TFDP2: variants seen among roughly 807,000 people sequenced by gnomAD.
TFDP2 encodes the protein transcription factor Dp-2.
Under a neutral mutation model 59.3 loss-of-function variants are expected in TFDP2, and 17 were observed. That is an observed-to-expected ratio of 0.29 (90% CI 0.20 to 0.43). The LOEUF is 0.43. Ranked by LOEUF, TFDP2 falls within the 20% of genes least tolerant of loss-of-function variation. The pLI, the probability that TFDP2 is intolerant of heterozygous loss-of-function variation, is 1.00. For missense variants in TFDP2, 391 were observed against 528.8 expected (o/e 0.74, Z 2.56); for synonymous variants, 180 against 194.7 (o/e 0.92, Z 0.63).
chr3:141,951,754 G>T lies in TFDP2; in HGVS notation c.*759C>A, dbSNP rs541524900. ...ACTCCAGATTTAGGATGCTGGCAAAGGCAGTGCTGGCAAAGTATTTAATGC... is the reference window on the plus strand; with the variant it reads ...ACTCCAGATTTAGGATGCTGGCAAATGCAGTGCTGGCAAAGTATTTAATGC... On this transcript the variant is annotated 3_prime_UTR_variant, in exon 13 of 13. Coordinates refer to ENST00000489671, the MANE Select transcript of TFDP2 (RefSeq NM_001178139.2). 1 of 152,748 alleles carries T rather than the reference G, an allele frequency of 6.5e-6. No homozygotes were observed. Among genetic ancestry groups the T allele is most frequent in the African/African-American group, 2.4e-5 (1 of 41,582 alleles). 9.5% of individuals were successfully genotyped at this position (152,748 alleles called of 1,614,324 possible).
At chr3:141,962,863 G>A (rs1052351801) in intron 10 of TFDP2, among the ~76,000 whole-genome samples, 9 of 152,194 alleles carry the variant, frequency 5.9e-5, no homozygotes, top group Admixed American at 1.3e-4. Flanking sequence ...TGGTACTGAC[G>A]CAATTATTAT....
In TFDP2 at chr3:141,995,616, G is replaced by A. The variant is rs548208427; in HGVS notation, c.187-475C>T. Among the ~76,000 whole-genome samples, 139 of 152,206 alleles carry A rather than the reference G, an allele frequency of 9.1e-4. 1 individual carries two copies. The highest frequency in any genetic ancestry group is 1.5e-3 in the Non-Finnish European group (100 of 68,016). Reference sequence around the variant, plus strand: ...AAAAGAGTATTGGACCAGGAGCGGTGGCTCGTGCCTGTAAACCCAGCATTT... The same window carrying A: ...AAAAGAGTATTGGACCAGGAGCGGTAGCTCGTGCCTGTAAACCCAGCATTT... On this transcript the variant is annotated intron_variant, in intron 4 of 12. Transcript: ENST00000489671.
At chr3:141,993,396 T>G (rs1222654653) in intron 6 of TFDP2, 142 bp downstream of exon 6, 4 of 524,466 alleles carry the variant, frequency 7.6e-6, no homozygotes, top group African/African-American at 3.9e-5. Context: ...GGGCACTCAA[T>G]GCAGAATGAA....
intron 2 of TFDP2, chr3:142,093,868 G>A (rs1358784498): frequency 2.5e-6 from 1 of 404,788 alleles, no homozygotes; most frequent in Non-Finnish European, 4.9e-6. Flanking sequence ...TAGCAATTCA[G>A]GTTGTTATAA....
At chr3:141,987,648 C>G (rs552761345) in intron 6 of TFDP2, among the ~76,000 whole-genome samples, 2 of 150,388 alleles carry the variant, frequency 1.3e-5, no homozygotes, top group African/African-American at 4.9e-5. Flanking sequence ...TTCTTCTCGG[C>G]CGGGTGCGGT....
chr3:142,023,653 G>C (rs1230723387), intron 3 of TFDP2, among the ~76,000 whole-genome samples: 1 of 152,168 alleles, frequency 6.6e-6, no homozygotes, highest in Non-Finnish European at 1.5e-5. Context: ...CAAAACTGCA[G>C]TAAGTTATTG....
At chr3:141,988,668 T>C (rs1447732367) in intron 6 of TFDP2, among the ~76,000 whole-genome samples, 11 of 121,272 alleles carry the variant, frequency 9.1e-5, no homozygotes, top group Non-Finnish European at 1.4e-4. Flanking sequence ...TCTTTTCTTT[T>C]CTTTTTTTTT....
At chr3:142,128,833 C>A (rs554935252) in intron 1 of TFDP2, among the ~76,000 whole-genome samples, 1 of 151,152 alleles carries the variant, frequency 6.6e-6, no homozygotes, top group South Asian at 2.1e-4. Context: ...GTTCTTCCAT[C>A]CAGGAGGTCC....
At chr3:141,981,386 C>G (rs1164709560) in intron 6 of TFDP2, among the ~76,000 whole-genome samples, 1 of 152,162 alleles carries the variant, frequency 6.6e-6, no homozygotes, top group Non-Finnish European at 1.5e-5. Flanking sequence ...AAGCCTTTCT[C>G]AGAACATAGC....
chr3:141,954,185 G>T lies in TFDP2; in HGVS notation c.1052-1169C>A, dbSNP rs372975635. ...CAAAAAATAAAAGAAAAAAAGAAAAGAAAATATTTTGGATATCTCCTTGCC... is the reference window on the plus strand; with the variant it reads ...CAAAAAATAAAAGAAAAAAAGAAAATAAAATATTTTGGATATCTCCTTGCC... On this transcript the variant is annotated intron_variant, in intron 11 of 12. Coordinates refer to ENST00000489671, the MANE Select transcript of TFDP2 (RefSeq NM_001178139.2). 2.0e-5 allele frequency among the ~76,000 whole-genome samples: 3 copies of T among 152,006 alleles called. No homozygotes were observed. In the East Asian group the frequency reaches 5.8e-4, roughly 29 times the overall value.
intron 1 of TFDP2, among the ~76,000 whole-genome samples, chr3:142,122,285 T>TA (rs2062075998): frequency 6.6e-6 from 1 of 152,152 alleles, no homozygotes; most frequent in East Asian, 1.9e-4. Flanking sequence ...AGTGCAAACT[T>TA]ACACTATCTG....
chr3:141,997,806 T>G (rs1560000357), intron 4 of TFDP2, among the ~76,000 whole-genome samples: 1 of 124,942 alleles, frequency 8.0e-6, no homozygotes, highest in African/African-American at 3.2e-5. Flanking sequence ...GCAGAGATCA[T>G]GCCACTGCAC....
chr3:142,131,717 CAT>C (rs993941862), intron 1 of TFDP2, among the ~76,000 whole-genome samples: 1 of 150,014 alleles, frequency 6.7e-6, no homozygotes. Context: ...ATTAAAAACA[CAT>C]GTCTGGCCGG....
At chr3:141,973,510 C>G (rs1576527310) in intron 8 of TFDP2, among the ~76,000 whole-genome samples, 1 of 152,096 alleles carries the variant, frequency 6.6e-6, no homozygotes, top group Non-Finnish European at 1.5e-5. Flanking sequence ...TTAAAGTTAA[C>G]AGAACTTAAA....
chr3:142,056,711 C>T (rs914641665), intron 3 of TFDP2, among the ~76,000 whole-genome samples: 3 of 152,188 alleles, frequency 2.0e-5, no homozygotes, highest in African/African-American at 7.2e-5. Context: ...ATTTGCTGCC[C>T]TGTGGAGACA....
chr3:142,079,289 C>T (rs932905325), intron 3 of TFDP2, among the ~76,000 whole-genome samples: 5 of 151,786 alleles, frequency 3.3e-5, no homozygotes, highest in African/African-American at 2.4e-5. Context: ...GGTGACAGGG[C>T]GAGACTCCAT....
chr3:142,010,253 G>A (rs1178556687), intron 3 of TFDP2, among the ~76,000 whole-genome samples: 4 of 151,918 alleles, frequency 2.6e-5, no homozygotes, highest in Admixed American at 1.3e-4. Flanking sequence ...AAATAAATCC[G>A]GTATATGAAG....
intron 3 of TFDP2, among the ~76,000 whole-genome samples, chr3:142,052,971 G>A (rs1286652208): frequency 2.0e-5 from 3 of 151,796 alleles, no homozygotes; most frequent in Non-Finnish European, 2.9e-5. Flanking sequence ...CACTACGCCC[G>A]GCTATTTTTT....
chr3:142,048,424 A>G (rs1947455458), intron 3 of TFDP2, among the ~76,000 whole-genome samples: 2 of 152,132 alleles, frequency 1.3e-5, no homozygotes, highest in Non-Finnish European at 2.9e-5. Context: ...AGGGAAAAAA[A>G]AAAAAAATCA....
Sources: gnomAD v4.1 joint callset for allele counts (sites outside exome capture counted in the v4.1 genomes callset) on GRCh38, gnomAD v4.1.1 for gene constraint, MANE v1.5 for transcripts, NCBI Gene and HGNC (gene_info 2026-07-23, HGNC 2026-07-21) for gene names.